The following ZNF385D variants were observed in gnomAD, a reference collection of about 807,000 sequenced individuals.
The protein encoded by ZNF385D is zinc finger protein 659.
A neutral mutation model predicts 35.8 loss-of-function variants in ZNF385D; 15 were observed. The ratio of observed to expected loss-of-function variants is 0.42; its 90% CI spans 0.28 to 0.64. The LOEUF (loss-of-function observed/expected upper bound fraction) is 0.64, where lower values mean the gene tolerates loss of function less well. Among genes scored for constraint, ZNF385D ranks in the 30% least tolerant of loss-of-function variants. The pLI is 0.23. For missense variants in ZNF385D, 474 were observed against 494.6 expected, an observed-to-expected ratio of 0.96 and a Z score of 0.39; for synonymous variants, 212 against 186.8, an observed-to-expected ratio of 1.13 and a Z score of -1.10.
chr3:22,044,528 T>A (rs951346346), intron 3 of ZNF385D, among the ~76,000 whole-genome samples: 11 of 152,264 alleles, frequency 7.2e-5, no homozygotes, highest in African/African-American at 1.2e-4. Flanking sequence ...GAGCAATTTT[T>A]AAATAAAAAG....
chr3:22,150,767 A>G (rs1705174449), intron 3 of ZNF385D, among the ~76,000 whole-genome samples: 3 of 152,052 alleles, frequency 2.0e-5, no homozygotes. Flanking sequence ...TATATATATA[A>G]TTAGTAGAAG....
chr3:22,266,284 A>G lies in ZNF385D; in HGVS notation c.107-97249T>C, dbSNP rs572805870. ...CCTCAAAGTCATGCCGACTGGTAGA[A>G]AACAATATAGCAAGATACCTATGTT... On this transcript the variant is annotated intron_variant, in intron 2 of 5. Coordinates refer to the ZNF385D transcript ENST00000494108. Among the ~76,000 whole-genome samples, 7 of 152,074 alleles carry G rather than the reference A, an allele frequency of 4.6e-5. No homozygotes were observed. In the South Asian group the frequency reaches 1.5e-3, roughly 32 times the overall value.
At chr3:22,224,677 G>T (rs780146458) in intron 2 of ZNF385D, among the ~76,000 whole-genome samples, 2 of 152,132 alleles carry the variant, frequency 1.3e-5, no homozygotes, top group African/African-American at 4.8e-5. Context: ...GCAGGTTATT[G>T]CAAGATCCAA....
At chr3:21,448,708 A>G (rs1349860737) in intron 4 of ZNF385D, among the ~76,000 whole-genome samples, 1 of 152,210 alleles carries the variant, frequency 6.6e-6, no homozygotes, top group Non-Finnish European at 1.5e-5. Context: ...CAAAGCTAAC[A>G]GACCTGTTTC....
chr3:21,618,272 A>C (rs1165027489), intron 2 of ZNF385D, among the ~76,000 whole-genome samples: 3 of 76,254 alleles, frequency 3.9e-5, no homozygotes, highest in Non-Finnish European at 8.2e-5. Flanking sequence ...ACAGACAGAC[A>C]CACAGAAAAG....
chr3:22,096,335 T>A (rs1701622053), intron 3 of ZNF385D, among the ~76,000 whole-genome samples: 1 of 147,332 alleles, frequency 6.8e-6, no homozygotes, highest in South Asian at 2.1e-4. Context: ...ACTATTTTTT[T>A]AAATAAATAA....
At chr3:22,157,181 C>A (rs925810007) in intron 3 of ZNF385D, among the ~76,000 whole-genome samples, 1 of 152,064 alleles carries the variant, frequency 6.6e-6, no homozygotes, top group Non-Finnish European at 1.5e-5. Flanking sequence ...AGTTACATGA[C>A]CTTTGGCAAA....
intron 2 of ZNF385D, among the ~76,000 whole-genome samples, chr3:21,656,742 A>C (rs536827822): frequency 1.2e-3 from 176 of 152,072 alleles, no homozygotes; most frequent in Non-Finnish European, 2.2e-3. Context: ...GCCATTTGCT[A>C]GCCATGAAAC....
In ZNF385D at chr3:22,313,685, C is replaced by G. The variant is rs1703721501; in HGVS notation, c.106+58765G>C. The stretch of plus-strand genomic sequence containing the variant: ...AAACAGATGATGAGTAGCAGGAAAT[C>G]ATCTATAAAGATAGGGCAGAGTCAG... On this transcript the variant is annotated intron_variant, in intron 2 of 5. Transcript: ENST00000494108. Among the ~76,000 whole-genome samples the G allele has an allele frequency of 2.0e-5, 3 of 152,106 alleles. No individual in the cohort carries two copies. The South Asian group carries it at 6.2e-4, about 32-fold the overall frequency.
At chr3:22,328,185 G>A (rs2125455814) in intron 2 of ZNF385D, among the ~76,000 whole-genome samples, 2 of 151,844 alleles carry the variant, frequency 1.3e-5, no homozygotes, top group East Asian at 1.9e-4. Flanking sequence ...CATGTTTCAT[G>A]CTTATCCATT....
chr3:21,693,590 A>G (rs2067355398), intron 1 of ZNF385D, among the ~76,000 whole-genome samples: 1 of 152,148 alleles, frequency 6.6e-6, no homozygotes, highest in African/African-American at 2.4e-5. Context: ...TTTCTCATCC[A>G]TAAAGATGGG....
chr3:21,980,171 C>T (rs1031426500), intron 3 of ZNF385D, among the ~76,000 whole-genome samples: 2 of 152,138 alleles, frequency 1.3e-5, no homozygotes, highest in Admixed American at 1.3e-4. Context: ...CTCTTGCCAA[C>T]AACCAACAGT....
chr3:21,967,104 T>G (rs1015841295), intron 3 of ZNF385D, among the ~76,000 whole-genome samples: 33 of 152,224 alleles, frequency 2.2e-4, no homozygotes, highest in Non-Finnish European at 1.0e-4. Flanking sequence ...AGAAAATGTT[T>G]ACCTTTAACT....
chr3:22,133,494 C>T (rs1703925773), intron 3 of ZNF385D: 1 of 151,962 alleles, frequency 6.6e-6, no homozygotes, highest in African/African-American at 2.4e-5. Flanking sequence ...TAGAATACAG[C>T]ATTATAATCA....
intron 2 of ZNF385D, among the ~76,000 whole-genome samples, chr3:22,306,522 A>G (rs1703228584): frequency 6.6e-6 from 1 of 152,106 alleles, no homozygotes; most frequent in African/African-American, 2.4e-5. Context: ...ATTAAATAAC[A>G]ACCTTCATAA....
intron 2 of ZNF385D, among the ~76,000 whole-genome samples, chr3:22,368,876 G>A (rs560230939): frequency 3.3e-5 from 5 of 152,282 alleles, no homozygotes; most frequent in Middle Eastern, 3.4e-3. Context: ...CTCTAAAAAA[G>A]TAGAAGTAAA....
At chr3:21,797,075 A>G (rs951309594) in intron 3 of ZNF385D, among the ~76,000 whole-genome samples, 1 of 152,218 alleles carries the variant, frequency 6.6e-6, no homozygotes, top group East Asian at 1.9e-4. Flanking sequence ...GTCAAGACGT[A>G]TTTGCAAAAC....
intron 4 of ZNF385D, among the ~76,000 whole-genome samples, chr3:21,473,011 C>T (rs1282913740): frequency 3.9e-5 from 6 of 152,058 alleles, no homozygotes; most frequent in Admixed American, 6.6e-5. Context: ...CCACACTGTT[C>T]CAAGTCACCA....
At chr3:22,081,322 C>T (rs544004684) in intron 3 of ZNF385D, among the ~76,000 whole-genome samples, 3 of 152,256 alleles carry the variant, frequency 2.0e-5, no homozygotes, top group African/African-American at 7.2e-5. Flanking sequence ...AGCTTAAATT[C>T]TTATTCTCCA....
Sources: allele counts gnomAD v4.1 joint callset (sites outside exome capture counted in the v4.1 genomes callset), GRCh38; gene constraint gnomAD v4.1.1; transcripts MANE v1.5; gene names NCBI Gene and HGNC (gene_info 2026-07-23, HGNC 2026-07-21).